Variants in HIVEP3 observed in about 807,000 individuals in gnomAD.
HIVEP3 encodes transcription factor HIVEP3.
In HIVEP3, 49 loss-of-function variants were observed where a neutral mutation model predicts 152.8. The ratio of observed to expected loss-of-function variants is 0.32; its 90% CI spans 0.26 to 0.41. The LOEUF (loss-of-function observed/expected upper bound fraction) is 0.41, where lower values mean the gene tolerates loss of function less well. HIVEP3 is among the 10% of genes least tolerant of loss of function. HIVEP3 has a pLI of 1.00. For missense variants in HIVEP3, 2,790 were observed against 3,103.3 expected (o/e 0.90, Z 2.40); for synonymous variants, 1,269 against 1,289.0 (o/e 0.98, Z 0.33).
intron 1 of HIVEP3, among the ~76,000 whole-genome samples, chr1:41,956,353 G>A (rs968134971): frequency 1.3e-5 from 2 of 152,190 alleles, no homozygotes; most frequent in South Asian, 2.1e-4. Flanking sequence ...TGTATGAAAC[G>A]GTCCAGGGTG....
In HIVEP3 at chr1:41,513,532, T is replaced by C; in HGVS notation, c.5689A>G (p.Ile1897Val). The change falls in exon 8 of 9, where the codon ATC becomes GTC. Residue 1897 changes from isoleucine to valine, a missense_variant. By Grantham distance (29) the Ile-to-Val change is conservative (BLOSUM62 3). Around this residue, in one of 9 missense-constraint regions of HIVEP3, gnomAD observed 816 missense variants for 806.5 expected, o/e 1.01. Coordinates refer to ENST00000372583, the MANE Select transcript of HIVEP3 (RefSeq NM_024503.5). Reference protein sequence around the residue: ...PHALRADSSPILGPQPPDAPA... With the variant: ...PHALRADSSPVLGPQPPDAPA... ...GCATCTGGGGGCTGAGGGCCCAGGA[T>C]GGGTGAGGAGTCTGCCCGCAGTGCA... The C allele has an allele frequency of 1.2e-6, 2 of 1,607,432 alleles. No homozygotes were observed. The highest frequency in any genetic ancestry group is 1.7e-6 in the Non-Finnish European group (2 of 1,177,672).
Position 41,584,444 on chromosome 1 carries a change from T to A in HIVEP3, c.354A>T (p.Thr118=). The A allele has an allele frequency of 6.2e-7, 1 of 1,614,036 alleles. No individual in the cohort carries two copies. The highest frequency in any genetic ancestry group is 8.5e-7 in the Non-Finnish European group (1 of 1,179,984). The change falls in exon 4 of 9, where the codon ACA becomes ACT. Residue 118 remains threonine, a synonymous_variant. Coordinates refer to ENST00000372583, the MANE Select transcript of HIVEP3 (RefSeq NM_024503.5). This position sits in a 1 kb window ranked among gnomAD's most constrained non-coding sequence, Gnocchi z 5.2. ...GKPEHLLEGS[T]WQLVDPMRPG... is the part of the protein sequence containing the mutation. ...GTCTCATGGGGTCAACCAGTTGCCA[T>A]GTGGACCCCTCCAGGAGATGCTCAG...
chr1:41,697,556 G>C (rs1444699151), intron 2 of HIVEP3, among the ~76,000 whole-genome samples: 1 of 152,188 alleles, frequency 6.6e-6, no homozygotes, highest in Non-Finnish European at 1.5e-5. Flanking sequence ...AAATCCCAAG[G>C]TGGGACTGGC....
chr1:41,551,110 C>A (rs1196118790), intron 5 of HIVEP3, among the ~76,000 whole-genome samples: 1 of 152,130 alleles, frequency 6.6e-6, no homozygotes. Context: ...TGTTGAAGGC[C>A]TTTTCTGCAT....
intron 1 of HIVEP3, among the ~76,000 whole-genome samples, chr1:41,946,281 G>A (rs1645074575): frequency 2.6e-5 from 4 of 152,194 alleles, no homozygotes; most frequent in Admixed American, 2.6e-4. Context: ...CCACTAACCT[G>A]ATGATCCAGC....
chr1:41,927,063 C>G (rs1644972071), intron 1 of HIVEP3, among the ~76,000 whole-genome samples: 1 of 152,176 alleles, frequency 6.6e-6, no homozygotes, highest in Admixed American at 6.5e-5. Flanking sequence ...TGTTTGGGTT[C>G]AAGAACCAGG....
At chr1:41,768,342 G>A (rs1456936576) in intron 1 of HIVEP3, among the ~76,000 whole-genome samples, 1 of 152,172 alleles carries the variant, frequency 6.6e-6, no homozygotes, top group East Asian at 1.9e-4. Context: ...ACTATCGCAA[G>A]AAGAGCAGGA....
At chr1:41,932,712 A>C (rs959447918) in intron 1 of HIVEP3, among the ~76,000 whole-genome samples, 1 of 151,436 alleles carries the variant, frequency 6.6e-6, no homozygotes, top group Non-Finnish European at 1.5e-5. Flanking sequence ...TGCTTGCACT[A>C]GTTTTAATTT....
chr1:41,631,450 G>T (rs374409531), intron 2 of HIVEP3, among the ~76,000 whole-genome samples: 2 of 152,290 alleles, frequency 1.3e-5, no homozygotes, highest in Non-Finnish European at 2.9e-5. Context: ...AATAATCTGG[G>T]TCTGGAGTAA....
At chr1:41,782,493 G>A (rs1277347801) in intron 1 of HIVEP3, among the ~76,000 whole-genome samples, 7 of 152,128 alleles carry the variant, frequency 4.6e-5, no homozygotes. Flanking sequence ...CAGCACTTTC[G>A]GAAGCCAAGG....
intron 1 of HIVEP3, among the ~76,000 whole-genome samples, chr1:41,828,495 C>T (rs1051894439): frequency 2.0e-5 from 3 of 152,212 alleles, no homozygotes; most frequent in Non-Finnish European, 4.4e-5. Context: ...GATGAATGGC[C>T]TTCCCTGGGG....
In HIVEP3 at chr1:41,510,388, A is replaced by C; in HGVS notation, c.*63T>G. On this transcript the variant is annotated 3_prime_UTR_variant, in exon 9 of 9. Transcript: ENST00000372583. Reference sequence around the variant, plus strand: ...CTGAGGAAGTGGGATGATTCGAGGAAAGTGGCTGGAAACGTCTGTTGCTGG... The same window carrying C: ...CTGAGGAAGTGGGATGATTCGAGGACAGTGGCTGGAAACGTCTGTTGCTGG... 7.5e-7 allele frequency: 1 copy of C among 1,341,434 alleles called. No homozygotes were observed. Among genetic ancestry groups the C allele is most frequent in the Non-Finnish European group, 9.7e-7 (1 of 1,025,998 alleles). The allele number at this position is 1,341,434 out of a possible 1,614,324, so 83.1% of individuals were successfully genotyped here.
intron 1 of HIVEP3, among the ~76,000 whole-genome samples, chr1:41,721,204 AT>A (rs56881396): frequency 2.2e-3 from 325 of 146,074 alleles, no homozygotes; most frequent in African/African-American, 3.6e-3. Context: ...TCTTACTGCA[AT>A]TTTTTTTTTT....
rs1404611472 is a variant in HIVEP3, at chr1:41,664,130, A to AT, written c.-720-35184dup. On this transcript the variant is annotated intron_variant, in intron 2 of 8. Transcript: ENST00000372583. This position sits in a 1 kb window ranked among gnomAD's most constrained non-coding sequence, Gnocchi z 4.4. ...CCTCCAGCTGTCCTTCACACCCTGA[A>AT]TCCAAGCCTGCCCTTGATACAGGTC... Among the ~76,000 whole-genome samples, 1 of 152,144 alleles carries AT rather than the reference A, an allele frequency of 6.6e-6. No individual in the cohort carries two copies. Among genetic ancestry groups the AT allele is most frequent in the Non-Finnish European group, 1.5e-5 (1 of 68,014 alleles).
At chr1:41,634,968 T>C (rs753702707) in intron 2 of HIVEP3, among the ~76,000 whole-genome samples, 2 of 152,196 alleles carry the variant, frequency 1.3e-5, no homozygotes, top group Non-Finnish European at 2.9e-5. Flanking sequence ...GGTTTGAAGA[T>C]GTAGTTAGTA....
intron 1 of HIVEP3, among the ~76,000 whole-genome samples, chr1:41,794,235 C>T (rs1484985414): frequency 6.6e-6 from 1 of 152,204 alleles, no homozygotes; most frequent in Non-Finnish European, 1.5e-5. Context: ...TGCAGGGGAA[C>T]TCCCATCTAT....
chr1:41,522,168 G>A (rs914726180), intron 6 of HIVEP3, among the ~76,000 whole-genome samples: 5 of 152,168 alleles, frequency 3.3e-5, no homozygotes, highest in South Asian at 2.1e-4. Flanking sequence ...ACACAGCCCC[G>A]GAGACAAGGG....
chr1:41,544,733 T>G (rs1301867280), intron 5 of HIVEP3, among the ~76,000 whole-genome samples: 1 of 88,792 alleles, frequency 1.1e-5, no homozygotes. Context: ...CCACCACCGC[T>G]ACCATCACCA....
chr1:41,645,181 A>C (rs1010062676), intron 2 of HIVEP3, among the ~76,000 whole-genome samples: 2 of 152,196 alleles, frequency 1.3e-5, no homozygotes, highest in East Asian at 3.9e-4. Context: ...AATCCAGGCC[A>C]GCAGAAGCTC....
Sources: allele counts gnomAD v4.1 joint callset (sites outside exome capture counted in the v4.1 genomes callset), GRCh38; gene constraint gnomAD v4.1.1; regional missense constraint gnomAD v4.1.1; non-coding constraint Gnocchi (gnomAD v3.1); transcripts MANE v1.5; gene names NCBI Gene and HGNC (gene_info 2026-07-23, HGNC 2026-07-21).